OCA2: variants seen among roughly 807,000 people sequenced by gnomAD.
The protein encoded by OCA2 is P protein.
OCA2 carries 77 observed loss-of-function variants against 100.2 expected under a neutral mutation model. That is an observed-to-expected ratio of 0.77 (90% CI 0.64 to 0.93). The LOEUF is 0.93. Ranked by LOEUF, OCA2 falls within the 40% of genes least tolerant of loss-of-function variation. The pLI is 0.00. For synonymous variants in OCA2, 432 were observed against 439.2 expected, an observed-to-expected ratio of 0.98 and a Z score of 0.21; for missense variants, 1,062 against 1,089.1, an observed-to-expected ratio of 0.98 and a Z score of 0.35.
At chr15:27,912,434 G>A (rs1872729314) in intron 19 of OCA2, among the ~76,000 whole-genome samples, 1 of 152,206 alleles carries the variant, frequency 6.6e-6, no homozygotes, top group South Asian at 2.1e-4. Context: ...GAAAATTGAT[G>A]AGGATGTGTC....
downstream of OCA2, among the ~76,000 whole-genome samples, chr15:27,749,977 C>A (rs1453436330): frequency 1.3e-5 from 2 of 152,168 alleles, no homozygotes; most frequent in Non-Finnish European, 2.9e-5. Flanking sequence ...TAGGCATAAG[C>A]AAGCTTATCC....
At chr15:27,906,626 G>A (rs1008237475) in intron 19 of OCA2, among the ~76,000 whole-genome samples, 2 of 151,512 alleles carry the variant, frequency 1.3e-5, no homozygotes, top group African/African-American at 4.8e-5. Context: ...TTTCAAGGAA[G>A]AAGATAAAAA....
intron 23 of OCA2, among the ~76,000 whole-genome samples, chr15:27,822,944 T>C (rs1248539916): frequency 6.6e-6 from 1 of 152,252 alleles, no homozygotes; most frequent in Non-Finnish European, 1.5e-5. Context: ...GTCCTGTTTA[T>C]CAAATGTTGT....
chr15:27,754,961 C>T lies in OCA2; in HGVS notation c.*427G>A, dbSNP rs1321421820. On this transcript the variant is annotated 3_prime_UTR_variant, in exon 24 of 24. Transcript: ENST00000354638. ...TCCCAGAAAGTCTATATTCAGAAAG[C>T]ATACAATTTGAATGCTGATTATTTT... 1 of 230,724 alleles carries T rather than the reference C, an allele frequency of 4.3e-6. No homozygotes were observed. Among genetic ancestry groups the T allele is most frequent in the African/African-American group, 2.2e-5 (1 of 45,034 alleles). 14.3% of individuals were successfully genotyped at this position (230,724 alleles called of 1,614,324 possible). A position where few individuals can be genotyped will look rare whatever the true frequency, so the allele number is the denominator to read the frequency against.
chr15:27,722,712 CTT>C, the OCA2 span, among the ~76,000 whole-genome samples: 1 of 77,682 alleles, frequency 1.3e-5, no homozygotes, highest in African/African-American at 7.4e-5. Flanking sequence ...TCCTTCCTTT[CTT>C]TCTCTCTTTC....
At chr15:27,839,177 G>A (rs551826542) in intron 23 of OCA2, among the ~76,000 whole-genome samples, 26 of 152,188 alleles carry the variant, frequency 1.7e-4, no homozygotes, top group Non-Finnish European at 5.9e-5. Context: ...AAAAGACTAC[G>A]TAAGAAAACA....
chr15:28,086,500 G>A (rs1308067607), intron 1 of OCA2, among the ~76,000 whole-genome samples: 1 of 152,152 alleles, frequency 6.6e-6, no homozygotes, highest in Non-Finnish European at 1.5e-5. Context: ...TCAAAGGAAG[G>A]CACCTAAACA....
At chr15:27,809,840 T>C (rs1186693918) in intron 23 of OCA2, among the ~76,000 whole-genome samples, 2 of 152,118 alleles carry the variant, frequency 1.3e-5, no homozygotes, top group Non-Finnish European at 2.9e-5. Flanking sequence ...TAAGGAAAAC[T>C]ACAAAACACT....
Position 27,815,270 on chromosome 15 carries a change from G to T in OCA2, c.2432+29689C>A, listed in dbSNP as rs1046412447. Among the ~76,000 whole-genome samples, 4 of 152,190 alleles carry T rather than the reference G, an allele frequency of 2.6e-5. 1 individual carries two copies. In the South Asian group the frequency reaches 8.3e-4, roughly 32 times the overall value. ...CTGGGCCAACCCCGCTGTTCGTGTT[G>T]CACAGTCAGGAACAGAGGGAAGGGG... On this transcript the variant is annotated intron_variant, in intron 23 of 23. Coordinates refer to ENST00000354638, the MANE Select transcript of OCA2 (RefSeq NM_000275.3).
intron 2 of OCA2, among the ~76,000 whole-genome samples, chr15:28,080,045 T>G (rs2044569951): frequency 6.6e-6 from 1 of 152,226 alleles, no homozygotes; most frequent in South Asian, 2.1e-4. Flanking sequence ...TCCCAATTCT[T>G]GTCTCACTGG....
intron 23 of OCA2, among the ~76,000 whole-genome samples, chr15:27,760,315 G>A (rs1479044741): frequency 6.6e-6 from 1 of 151,754 alleles, no homozygotes; most frequent in Non-Finnish European, 1.5e-5. Context: ...CATGTCACTT[G>A]TTGAGAAGGA....
chr15:28,002,947 C>G (rs1019485244), intron 9 of OCA2, among the ~76,000 whole-genome samples: 5 of 152,212 alleles, frequency 3.3e-5, no homozygotes, highest in Admixed American at 6.5e-5. Flanking sequence ...TTATGTTATG[C>G]AGAACAATAG....
At chr15:28,005,441 C>G (rs1422396985) in intron 9 of OCA2, among the ~76,000 whole-genome samples, 1 of 152,156 alleles carries the variant, frequency 6.6e-6, no homozygotes, top group Non-Finnish European at 1.5e-5. Flanking sequence ...GGTAAGACAT[C>G]CAGCAGGTGC....
chr15:28,093,563 A>C (rs547059450), intron 1 of OCA2, among the ~76,000 whole-genome samples: 5 of 152,272 alleles, frequency 3.3e-5, no homozygotes, highest in African/African-American at 9.6e-5. Context: ...TTAAAAAAAA[A>C]CTAAAATTGC....
chr15:28,020,022 C>T (rs577676325), intron 6 of OCA2, among the ~76,000 whole-genome samples: 17 of 152,316 alleles, frequency 1.1e-4, no homozygotes, highest in African/African-American at 3.8e-4. Flanking sequence ...ACGCAGCACC[C>T]GTCTTCCCCC....
intron 19 of OCA2, among the ~76,000 whole-genome samples, chr15:27,881,605 T>A (rs145732244): frequency 2.0e-5 from 3 of 152,334 alleles, no homozygotes; most frequent in Admixed American, 2.0e-4. Flanking sequence ...TGGGAGGGTG[T>A]ATGTGTCCAG....
chr15:27,920,244 A>G (rs1215101587), intron 19 of OCA2, among the ~76,000 whole-genome samples: 1 of 152,124 alleles, frequency 6.6e-6, no homozygotes, highest in Non-Finnish European at 1.5e-5. Flanking sequence ...AAAAGACCCA[A>G]ATAGATTGAA....
chr15:27,756,316 G>T (rs73370349), intron 23 of OCA2, among the ~76,000 whole-genome samples: 3,236 of 152,314 alleles, frequency 0.021, 122 homozygotes, highest in African/African-American at 0.073. Context: ...AGTGTAGGAA[G>T]AGGCTACTCA....
At chr15:28,076,675 G>A (rs889151348) in intron 2 of OCA2, among the ~76,000 whole-genome samples, 5 of 150,740 alleles carry the variant, frequency 3.3e-5, no homozygotes, top group African/African-American at 9.8e-5. Flanking sequence ...GTGAAACCCC[G>A]TCTCTACTAA....
Sources: allele counts gnomAD v4.1 joint callset (sites outside exome capture counted in the v4.1 genomes callset), GRCh38; gene constraint gnomAD v4.1.1; transcripts MANE v1.5; gene names NCBI Gene and HGNC (gene_info 2026-07-23, HGNC 2026-07-21).